Variants in ECT2L observed in about 807,000 individuals in gnomAD.
The protein encoded by ECT2L is epithelial cell-transforming sequence 2 oncogene-like.
ECT2L carries 126 observed loss-of-function variants against 122.8 expected under a neutral mutation model. The observed-to-expected ratio is 1.03, with a 90% CI of 0.89 to 1.19. ECT2L has a LOEUF of 1.19. Among genes scored for constraint, ECT2L ranks in the 50% most tolerant of loss-of-function variants. The pLI, the probability that ECT2L is intolerant of heterozygous loss-of-function variation, is 0.00. For synonymous variants in ECT2L, 385 were observed against 381.8 expected (o/e 1.01, Z -0.10); for missense variants, 1,012 against 1,064.1 (o/e 0.95, Z 0.68).
chr6:138,872,584 C>T (rs956335166), intron 13 of ECT2L, among the ~76,000 whole-genome samples: 2 of 152,128 alleles, frequency 1.3e-5, no homozygotes, highest in South Asian at 4.1e-4. Context: ...GATTATTCTC[C>T]CAAAAGGGTG....
At position 138,846,689 on chromosome 6, in the gene ECT2L, T is replaced by C. The variant is rs1777234196; in HGVS notation, c.903+12T>C. ...TTCCTGCGTATGAGGTAGAGTATGT[T>C]ATGAGGCCAGTCCTGTCCTGATTGT... On this transcript the variant is annotated intron_variant, in intron 8 of 21. Coordinates refer to ENST00000541398, the MANE Select transcript of ECT2L (RefSeq NM_001077706.3). 1 of 1,583,350 alleles carries C rather than the reference T, an allele frequency of 6.3e-7. No homozygotes were observed. Among genetic ancestry groups the C allele is most frequent in the Non-Finnish European group, 8.6e-7 (1 of 1,166,148 alleles).
At chr6:138,891,601 C>T (rs1779029581) in intron 20 of ECT2L, among the ~76,000 whole-genome samples, 1 of 152,002 alleles carries the variant, frequency 6.6e-6, no homozygotes, top group Non-Finnish European at 1.5e-5. Context: ...CCCCCATGAC[C>T]TGGAAGCCCC....
intron 14 of ECT2L, among the ~76,000 whole-genome samples, chr6:138,880,001 G>A (rs536064109): frequency 6.6e-6 from 1 of 152,152 alleles, no homozygotes; most frequent in African/African-American, 2.4e-5. Flanking sequence ...ACAACAGTTG[G>A]AAACATAACA....
In ECT2L at chr6:138,859,864, G is replaced by A. The variant is rs370703843; in HGVS notation, c.1199-2763G>A. Among the ~76,000 whole-genome samples, 16 of 150,120 alleles carry A rather than the reference G, an allele frequency of 1.1e-4. 1 individual carries two copies. Among genetic ancestry groups the A allele is most frequent in the African/African-American group, 3.4e-4 (14 of 40,744 alleles). On this transcript the variant is annotated intron_variant, in intron 10 of 21. Coordinates refer to ENST00000541398, the MANE Select transcript of ECT2L (RefSeq NM_001077706.3). ...AGAGTTTCACTCTTGTTGCCCAGAC[G>A]AATGCAATGGCGCGATCTCGGCTCA...
chr6:138,857,491 T>C (rs1019564331), intron 10 of ECT2L, among the ~76,000 whole-genome samples: 15 of 152,156 alleles, frequency 9.9e-5, no homozygotes, highest in Non-Finnish European at 1.6e-4. Context: ...AGTGGGTCTC[T>C]GTCTGTACTG....
At chr6:138,819,820 G>A (rs34074612) in intron 4 of ECT2L, among the ~76,000 whole-genome samples, 8,162 of 151,870 alleles carry the variant, frequency 0.054, 297 homozygotes, top group Non-Finnish European at 0.076. Context: ...CTGGGAGGTG[G>A]AGGTTGCAGT....
chr6:138,814,718 T>C, intron 4 of ECT2L, 115 bp downstream of exon 4: 4 of 650,436 alleles, frequency 6.1e-6, no homozygotes, highest in Non-Finnish European at 1.0e-5. Flanking sequence ...AACAAGGTAA[T>C]TGATATTTTA....
At position 138,885,714 on chromosome 6, in the gene ECT2L, G is replaced by A; in HGVS notation, c.2143G>A (p.Glu715Lys). 1 of 1,614,176 alleles carries A rather than the reference G, an allele frequency of 6.2e-7. No individual in the cohort carries two copies. The highest frequency in any genetic ancestry group is 8.5e-7 in the Non-Finnish European group (1 of 1,180,032). The change falls in exon 18 of 22, where the codon GAA (glutamate) becomes AAA (lysine). Residue 715 changes from glutamate (E) to lysine (K), a missense_variant. Physicochemically the swap from Glu to Lys is moderately conservative, Grantham distance 56 (BLOSUM62 1). Transcript: ENST00000541398. ...GCTGTACCCATCCCGAAGATTTGAA[G>A]AATACCTTAATCTTCTCTACGCTGT... ...LLLYPSRRFEEYLNLLYAVRL... is the reference protein window; with the variant it reads ...LLLYPSRRFEKYLNLLYAVRL...
intron 14 of ECT2L, chr6:138,878,876 C>T (rs1197872733): frequency 6.6e-6 from 1 of 152,434 alleles, no homozygotes; most frequent in Non-Finnish European, 1.5e-5. Flanking sequence ...TGTGCATATT[C>T]ATCAGTTACC....
chr6:138,886,981 T>TG, intron 19 of ECT2L, 59 bp downstream of exon 19: 6 of 1,438,772 alleles, frequency 4.2e-6, no homozygotes, highest in Middle Eastern at 3.5e-4. Flanking sequence ...TCCAGTCTTT[T>TG]GCAAAAGGAG....
chr6:138,807,213 A>G (rs1775742404), intron 1 of ECT2L, among the ~76,000 whole-genome samples: 2 of 151,936 alleles, frequency 1.3e-5, no homozygotes, highest in Non-Finnish European at 1.5e-5. Context: ...AGCTCAAGCA[A>G]TTCACCTGTC....
intron 5 of ECT2L, among the ~76,000 whole-genome samples, chr6:138,842,538 A>G (rs540364426): frequency 5.4e-4 from 82 of 152,216 alleles, no homozygotes; most frequent in African/African-American, 1.8e-3. Context: ...TTGGGAGGCC[A>G]AGGTGGGCGG....
intron 1 of ECT2L, among the ~76,000 whole-genome samples, chr6:138,806,873 C>T (rs1398104163): frequency 6.6e-6 from 1 of 151,880 alleles, no homozygotes; most frequent in African/African-American, 2.4e-5. Context: ...GACTGGAAGC[C>T]TTAATGATAA....
intron 10 of ECT2L, among the ~76,000 whole-genome samples, chr6:138,858,186 C>A (rs549742244): frequency 6.6e-6 from 1 of 152,176 alleles, no homozygotes; most frequent in African/African-American, 2.4e-5. Flanking sequence ...GCTGAGGACC[C>A]CAAATTTATG....
chr6:138,833,662 C>G (rs777153260), intron 4 of ECT2L, among the ~76,000 whole-genome samples: 1 of 152,056 alleles, frequency 6.6e-6, no homozygotes, highest in Non-Finnish European at 1.5e-5. Flanking sequence ...ATTAGCCGGG[C>G]TTGGTGGCAT....
intron 4 of ECT2L, among the ~76,000 whole-genome samples, chr6:138,825,816 T>C (rs1259093400): frequency 6.6e-6 from 1 of 152,258 alleles, no homozygotes; most frequent in Non-Finnish European, 1.5e-5. Flanking sequence ...CTGAAGACTT[T>C]AGCACATGCT....
intron 8 of ECT2L, among the ~76,000 whole-genome samples, chr6:138,847,937 A>G (rs922992046): frequency 6.6e-6 from 1 of 152,120 alleles, no homozygotes; most frequent in Non-Finnish European, 1.5e-5. Context: ...TTCACGTGGC[A>G]AGGAGGCCTC....
chr6:138,806,782 G>A (rs1775726394), intron 1 of ECT2L, among the ~76,000 whole-genome samples: 1 of 151,834 alleles, frequency 6.6e-6, no homozygotes, highest in South Asian at 2.1e-4. Context: ...CAAAGTGCTG[G>A]GATTACAGTC....
At chr6:138,879,939 T>C (rs908256095) in intron 14 of ECT2L, among the ~76,000 whole-genome samples, 2 of 151,368 alleles carry the variant, frequency 1.3e-5, no homozygotes, top group African/African-American at 4.9e-5. Flanking sequence ...GAAAAGAGAG[T>C]AAGACTCCAT....
Sources: allele counts gnomAD v4.1 joint callset (sites outside exome capture counted in the v4.1 genomes callset), GRCh38; gene constraint gnomAD v4.1.1; transcripts MANE v1.5; gene names NCBI Gene and HGNC (gene_info 2026-07-23, HGNC 2026-07-21).